CASQ2: variants seen among roughly 807,000 people sequenced by gnomAD.
The protein encoded by CASQ2 is calsequestrin-2.
CASQ2 carries 49 observed loss-of-function variants against 46.5 expected under a neutral mutation model. The ratio of observed to expected loss-of-function variants is 1.05; its 90% CI spans 0.84 to 1.34. The LOEUF (loss-of-function observed/expected upper bound fraction) is 1.34, where lower values mean the gene tolerates loss of function less well. Ranked by LOEUF, CASQ2 falls within the 40% of genes most tolerant of loss-of-function variation. The pLI is 0.00. For synonymous variants in CASQ2, 174 were observed against 168.5 expected (o/e 1.03, Z -0.25); for missense variants, 486 against 481.3 (o/e 1.01, Z -0.09).
chr1:115,709,448 T>C (rs910328533), intron 8 of CASQ2, among the ~76,000 whole-genome samples: 23 of 152,328 alleles, frequency 1.5e-4, no homozygotes, highest in African/African-American at 4.6e-4. Flanking sequence ...ACTATGGTCA[T>C]GTATGTTTCA....
chr1:115,747,571 G>C (rs190813719), intron 1 of CASQ2, among the ~76,000 whole-genome samples: 3 of 152,212 alleles, frequency 2.0e-5, no homozygotes. Context: ...CTTGGGGAGA[G>C]TGACATATTT....
At chr1:115,739,289 G>T (rs71519714) in intron 3 of CASQ2, among the ~76,000 whole-genome samples, 115,691 of 147,480 alleles carry the variant, frequency 0.78, 49,000 homozygotes, top group Non-Finnish European at 0.94. Context: ...TTTTATTTTT[G>T]TATTTTTAGT....
intron 1 of CASQ2, among the ~76,000 whole-genome samples, chr1:115,757,805 T>C (rs1648813951): frequency 6.6e-6 from 1 of 152,190 alleles, no homozygotes; most frequent in African/African-American, 2.4e-5. Context: ...CTCTTTACAA[T>C]TGTACTCAAT....
intron 7 of CASQ2, 21 bp downstream of exon 7, chr1:115,725,487 G>A: frequency 6.3e-7 from 1 of 1,591,638 alleles, no homozygotes; most frequent in Non-Finnish European, 8.6e-7. Flanking sequence ...ACAAGGCAAA[G>A]AGAGTTTGCC....
chr1:115,763,238 T>C (rs1043358906), intron 1 of CASQ2, among the ~76,000 whole-genome samples: 2 of 152,084 alleles, frequency 1.3e-5, no homozygotes, highest in African/African-American at 4.8e-5. Context: ...CCTCTCAAAG[T>C]AGGTGAGACT....
At chr1:115,724,463 C>T (rs907217912) in intron 7 of CASQ2, among the ~76,000 whole-genome samples, 1 of 152,058 alleles carries the variant, frequency 6.6e-6, no homozygotes, top group Non-Finnish European at 1.5e-5. Flanking sequence ...CCACTATGCC[C>T]GACTAATTAA....
Position 115,766,337 on chromosome 1 carries a change from C to T in CASQ2, c.234+1971G>A, listed in dbSNP as rs113433095. On this transcript the variant is annotated intron_variant, in intron 1 of 10. Coordinates refer to ENST00000261448, the MANE Select transcript of CASQ2 (RefSeq NM_001232.4). ...TGTGTGACCTTGGACAACTTAGCCT[C>T]TCTGCTTCAGTTTCCACATCTATAA... 3.3e-5 allele frequency among the ~76,000 whole-genome samples: 5 copies of T among 152,314 alleles called. 2 individuals carry two copies. Among genetic ancestry groups the T allele is most frequent in the African/African-American group, 1.2e-4 (5 of 41,566 alleles).
In CASQ2 at chr1:115,703,085, A is replaced by G. The variant is rs141936487; in HGVS notation, c.940-90T>C. On this transcript the variant is annotated intron_variant, in intron 9 of 10. Coordinates refer to ENST00000261448, the MANE Select transcript of CASQ2 (RefSeq NM_001232.4). ...GCCGTCCCATCACAGTAACTAGGTC[A>G]CCATTGGTTAAAGGTCTTCAAAACA... The G allele has an allele frequency of 1.5e-3, 1,476 of 993,954 alleles. 2 individuals are homozygous for G. The highest frequency in any genetic ancestry group is 2.0e-3 in the Non-Finnish European group (1,250 of 639,600). The allele number at this position is 993,954 out of a possible 1,614,324, so 61.6% of individuals were successfully genotyped here.
intron 7 of CASQ2, among the ~76,000 whole-genome samples, chr1:115,725,160 A>G (rs1371633922): frequency 1.3e-5 from 2 of 152,080 alleles, no homozygotes; most frequent in Non-Finnish European, 2.9e-5. Context: ...TTGACCTCCC[A>G]GGCTCAAGTA....
intron 8 of CASQ2, among the ~76,000 whole-genome samples, chr1:115,713,643 A>T (rs1654614904): frequency 6.6e-6 from 1 of 152,198 alleles, no homozygotes; most frequent in Non-Finnish European, 1.5e-5. Context: ...CTGGACAGAC[A>T]GTGGGAGGAA....
chr1:115,768,149 G>C (rs1649194232), intron 1 of CASQ2, among the ~76,000 whole-genome samples, 159 bp downstream of exon 1: 1 of 152,072 alleles, frequency 6.6e-6, no homozygotes, highest in African/African-American at 2.4e-5. Context: ...ACACATCCCA[G>C]CTGTGTGACA....
chr1:115,754,989 G>T (rs1388722123), intron 1 of CASQ2, among the ~76,000 whole-genome samples: 2 of 152,142 alleles, frequency 1.3e-5, no homozygotes, highest in Non-Finnish European at 2.9e-5. Flanking sequence ...GTCTGGGATG[G>T]GACCCAAGAA....
intron 9 of CASQ2, among the ~76,000 whole-genome samples, 170 bp downstream of exon 9, chr1:115,705,022 A>AC (rs1484529714): frequency 6.6e-6 from 1 of 152,220 alleles, no homozygotes; most frequent in Non-Finnish European, 1.5e-5. Context: ...CAGGGTCAGC[A>AC]CCAGGCCCCA....
intron 1 of CASQ2, among the ~76,000 whole-genome samples, chr1:115,752,442 T>C (rs1557802957): frequency 6.6e-6 from 1 of 152,170 alleles, no homozygotes; most frequent in Non-Finnish European, 1.5e-5. Flanking sequence ...ATAAAAGCGG[T>C]AGTTTCTTCA....
chr1:115,733,132 G>A (rs1647844603), intron 4 of CASQ2, among the ~76,000 whole-genome samples, 158 bp from the exon 5 acceptor site: 1 of 152,116 alleles, frequency 6.6e-6, no homozygotes, highest in African/African-American at 2.4e-5. Flanking sequence ...TATTATTTAA[G>A]CCCATAGTTC....
chr1:115,730,149 G>A (rs1482067241), intron 5 of CASQ2, among the ~76,000 whole-genome samples: 3 of 152,166 alleles, frequency 2.0e-5, no homozygotes, highest in African/African-American at 7.2e-5. Context: ...TTTTGAAAAT[G>A]CAGATTCCCA....
chr1:115,746,417 A>T (rs1214519616), intron 1 of CASQ2, among the ~76,000 whole-genome samples: 2 of 152,204 alleles, frequency 1.3e-5, no homozygotes, highest in Non-Finnish European at 2.9e-5. Flanking sequence ...AATATTTTTC[A>T]GTGTAGCTGT....
chr1:115,749,814 C>G (rs1249956327), intron 1 of CASQ2, among the ~76,000 whole-genome samples: 1 of 152,212 alleles, frequency 6.6e-6, no homozygotes, highest in Non-Finnish European at 1.5e-5. Flanking sequence ...CACATGTTCC[C>G]TTCTCTCCTG....
chr1:115,745,068 G>T (rs1233663427), intron 1 of CASQ2, among the ~76,000 whole-genome samples, 156 bp from the exon 2 acceptor site: 1 of 152,192 alleles, frequency 6.6e-6, no homozygotes, highest in African/African-American at 2.4e-5. Context: ...ATGTATTCTT[G>T]TCCCCTCAGG....
Sources: allele counts gnomAD v4.1 joint callset (sites outside exome capture counted in the v4.1 genomes callset), GRCh38; gene constraint gnomAD v4.1.1; transcripts MANE v1.5; gene names NCBI Gene and HGNC (gene_info 2026-07-23, HGNC 2026-07-21).